The following COLGALT2 variants were observed in gnomAD, a reference collection of about 807,000 sequenced individuals.
The protein encoded by COLGALT2 is collagen beta(1-O)galactosyltransferase 2, also known as procollagen galactosyltransferase 2.
A neutral mutation model predicts 73.4 loss-of-function variants in COLGALT2; 49 were observed. The ratio of observed to expected loss-of-function variants is 0.67; its 90% CI spans 0.53 to 0.85. The LOEUF (loss-of-function observed/expected upper bound fraction) is 0.85, where lower values mean the gene tolerates loss of function less well. Ranked by LOEUF, COLGALT2 falls within the 40% of genes least tolerant of loss-of-function variation. The probability of loss-of-function intolerance (pLI) is 0.00; values close to 1 mark genes in which losing one functional copy is unlikely to be tolerated. For missense variants in COLGALT2, 722 were observed against 790.2 expected, an observed-to-expected ratio of 0.91 and a Z score of 1.03; for synonymous variants, 295 against 307.6, an observed-to-expected ratio of 0.96 and a Z score of 0.43.
At chr1:184,004,158 T>C (rs1025901798) in intron 1 of COLGALT2, among the ~76,000 whole-genome samples, 1 of 152,304 alleles carries the variant, frequency 6.6e-6, no homozygotes, top group African/African-American at 2.4e-5. Flanking sequence ...GCTACGGTCT[T>C]AAAATCCATG....
At position 184,037,294 on chromosome 1, in the gene COLGALT2, G is replaced by A. The variant is rs1478971422; in HGVS notation, c.64C>T (p.Arg22Cys). The change falls in exon 1 of 12, where the codon CGC (arginine) becomes TGC (cysteine). Residue 22 changes from arginine (R) to cysteine (C), a missense_variant. Physicochemically the swap from Arg to Cys is radical, Grantham distance 180. Coordinates refer to ENST00000361927, the MANE Select transcript of COLGALT2 (RefSeq NM_015101.4). ...ACGAAGCGCGCTCGGCAGCCTTCGC[G>A]GAGCAGGGCTGAGGAGAGGAGCAGT... is the stretch of plus-strand genomic sequence containing the variant. ...SLLLLSSALLREGCRARFVAE... is the reference protein window; with the variant it reads ...SLLLLSSALLCEGCRARFVAE... 1 of 1,543,842 alleles carries A rather than the reference G, an allele frequency of 6.5e-7. No individual in the cohort carries two copies. Among genetic ancestry groups the A allele is most frequent in the Non-Finnish European group, 8.7e-7 (1 of 1,146,440 alleles).
intron 8 of COLGALT2, among the ~76,000 whole-genome samples, chr1:183,950,424 T>C (rs1296578937): frequency 3.3e-5 from 5 of 151,262 alleles, no homozygotes; most frequent in African/African-American, 9.7e-5. Context: ...TAAAAATCTA[T>C]GCCTTGAAAT....
At chr1:183,944,691 G>GA (rs1472152242) in intron 9 of COLGALT2, among the ~76,000 whole-genome samples, 2 of 152,114 alleles carry the variant, frequency 1.3e-5, no homozygotes, top group African/African-American at 4.8e-5. Context: ...ACGGGGTGGG[G>GA]GGGTGCTTGT....
Position 183,938,197 on chromosome 1 carries a change from ATTT to A in COLGALT2, c.*561_*563del, listed in dbSNP as rs3841432. On this transcript the variant is annotated 3_prime_UTR_variant, in exon 12 of 12. Coordinates refer to ENST00000361927, the MANE Select transcript of COLGALT2 (RefSeq NM_015101.4). ...CCCCTACTGGATAACAGGGACTAAGATTTTTTTTTTTTAAAAAATCTACTTTTC... is the reference window on the plus strand; with the variant it reads ...CCCCTACTGGATAACAGGGACTAAGATTTTTTTTTAAAAAATCTACTTTTC... 2.2e-6 allele frequency: 2 copies of A among 894,666 alleles called. No individual in the cohort carries two copies. The highest frequency in any genetic ancestry group is 2.6e-6 in the Non-Finnish European group (2 of 773,084). 55.4% of individuals were successfully genotyped at this position (894,666 alleles called of 1,614,324 possible).
chr1:183,977,989 T>C (rs933295637), intron 2 of COLGALT2, among the ~76,000 whole-genome samples: 14 of 152,106 alleles, frequency 9.2e-5, no homozygotes, highest in Admixed American at 5.9e-4. Flanking sequence ...ACAGTGATTA[T>C]GCAGTAAAAA....
chr1:183,945,629 AAGAG>A, intron 8 of COLGALT2, 65 bp from the exon 9 acceptor site: 1 of 1,588,788 alleles, frequency 6.3e-7, no homozygotes, highest in Non-Finnish European at 8.6e-7. Context: ...AGGCCAGAGA[AAGAG>A]AGAGTTAGTT....
chr1:183,942,328 G>A (rs1430035437), intron 10 of COLGALT2, among the ~76,000 whole-genome samples: 1 of 151,008 alleles, frequency 6.6e-6, no homozygotes, highest in Non-Finnish European at 1.5e-5. Context: ...ATTTTGAAGA[G>A]TTGGTACAAA....
chr1:184,012,543 A>T (rs1372560186), intron 1 of COLGALT2, among the ~76,000 whole-genome samples: 1 of 152,230 alleles, frequency 6.6e-6, no homozygotes, highest in East Asian at 1.9e-4. Context: ...TGAACTTAGC[A>T]GTATAATCAA....
chr1:184,013,709 A>G (rs562908334), intron 1 of COLGALT2, among the ~76,000 whole-genome samples: 200 of 151,994 alleles, frequency 1.3e-3, no homozygotes, highest in Non-Finnish European at 2.1e-3. Context: ...AAGAAAGGTC[A>G]TGTAGCTTCC....
intron 1 of COLGALT2, among the ~76,000 whole-genome samples, chr1:183,995,556 G>A (rs914157764): frequency 1.2e-4 from 19 of 152,210 alleles, no homozygotes; most frequent in African/African-American, 3.6e-4. Flanking sequence ...CGCAGCCTCC[G>A]GAAGCCAGAG....
At chr1:183,947,620 C>T (rs906968654) in intron 8 of COLGALT2, among the ~76,000 whole-genome samples, 1 of 152,090 alleles carries the variant, frequency 6.6e-6, no homozygotes, top group African/African-American at 2.4e-5. Context: ...GATATAGTTA[C>T]AGCTGCAAAT....
chr1:183,968,890 A>G (rs564788559), intron 5 of COLGALT2, among the ~76,000 whole-genome samples: 1 of 152,324 alleles, frequency 6.6e-6, no homozygotes. Flanking sequence ...TTCCATTTTT[A>G]AAGTCTGGGG....
chr1:183,994,299 A>G (rs1257417515), intron 1 of COLGALT2, among the ~76,000 whole-genome samples: 1 of 151,870 alleles, frequency 6.6e-6, no homozygotes, highest in Non-Finnish European at 1.5e-5. Context: ...CGGCCTCCCA[A>G]AGTGCTGGGA....
At chr1:183,972,854 C>T (rs962476596) in intron 4 of COLGALT2, among the ~76,000 whole-genome samples, 2 of 152,172 alleles carry the variant, frequency 1.3e-5, no homozygotes, top group Non-Finnish European at 2.9e-5. Context: ...CGCCCAACAC[C>T]ACGCCTGGCT....
intron 1 of COLGALT2, among the ~76,000 whole-genome samples, chr1:184,030,723 A>G (rs1238850544): frequency 6.6e-6 from 1 of 152,222 alleles, no homozygotes; most frequent in Non-Finnish European, 1.5e-5. Context: ...TCCCTGGCCT[A>G]ATCACTTGGA....
chr1:183,984,543 T>A (rs940544850), intron 1 of COLGALT2, among the ~76,000 whole-genome samples: 1 of 152,166 alleles, frequency 6.6e-6, no homozygotes, highest in Non-Finnish European at 1.5e-5. Flanking sequence ...GCCACCAAGG[T>A]CTCTCCCTTC....
At chr1:183,933,319 G>C (rs541755750), downstream of COLGALT2, among the ~76,000 whole-genome samples, 2 of 152,126 alleles carry the variant, frequency 1.3e-5, no homozygotes, top group African/African-American at 4.8e-5. Flanking sequence ...ACTTTGCTCC[G>C]TGTGTGGTGC....
At chr1:184,003,390 G>T (rs1254520598) in intron 1 of COLGALT2, among the ~76,000 whole-genome samples, 1 of 152,128 alleles carries the variant, frequency 6.6e-6, no homozygotes, top group Non-Finnish European at 1.5e-5. Flanking sequence ...CACATGGAGA[G>T]ACCATGTGCT....
chr1:183,964,050 C>A (rs1670797623), intron 5 of COLGALT2, 30 bp from the exon 6 acceptor site: 1 of 1,609,874 alleles, frequency 6.2e-7, no homozygotes, highest in African/African-American at 1.3e-5. Flanking sequence ...ACAAAGCCAA[C>A]AATCAGAAAA....
Sources: allele counts gnomAD v4.1 joint callset (sites outside exome capture counted in the v4.1 genomes callset), GRCh38; gene constraint gnomAD v4.1.1; transcripts MANE v1.5; gene names NCBI Gene and HGNC (gene_info 2026-07-23, HGNC 2026-07-21).